TAFA1: variants seen among roughly 807,000 people sequenced by gnomAD.
TAFA1 encodes the protein chemokine-like protein TAFA-1.
Under a neutral mutation model 18.5 loss-of-function variants are expected in TAFA1, and 4 were observed. The ratio of observed to expected loss-of-function variants is 0.22; its 90% confidence interval spans 0.11 to 0.49. The LOEUF (loss-of-function observed/expected upper bound fraction) is 0.49, where lower values mean the gene tolerates loss of function less well. Among genes scored for constraint, TAFA1 ranks in the 20% least tolerant of loss-of-function variants. The probability of loss-of-function intolerance (pLI) is 0.98; values close to 1 mark genes in which losing one functional copy is unlikely to be tolerated. For missense variants in TAFA1, 147 were observed against 169.0 expected (o/e 0.87, Z 0.72); for synonymous variants, 56 against 55.2 (o/e 1.01, Z -0.06).
At chr3:68,512,228 C>A (rs2072857888) in intron 3 of TAFA1, among the ~76,000 whole-genome samples, 1 of 152,098 alleles carries the variant, frequency 6.6e-6, no homozygotes, top group Admixed American at 6.6e-5. Context: ...CTGTGTCTTT[C>A]ATCATTTAGT....
At chr3:68,430,353 C>T (rs1210872760) in intron 3 of TAFA1, among the ~76,000 whole-genome samples, 1 of 151,876 alleles carries the variant, frequency 6.6e-6, no homozygotes, top group Non-Finnish European at 1.5e-5. Context: ...GTGGTGGAAG[C>T]CCATAGGACA....
the TAFA1 span, among the ~76,000 whole-genome samples, chr3:67,992,695 A>G: frequency 1.3e-5 from 2 of 152,198 alleles, no homozygotes; most frequent in African/African-American, 2.4e-5. Flanking sequence ...TAAAAACAGA[A>G]GGCAAACCAT....
intron 3 of TAFA1, among the ~76,000 whole-genome samples, chr3:68,533,085 A>C (rs2073214134): frequency 8.0e-6 from 1 of 125,128 alleles, no homozygotes; most frequent in African/African-American, 3.8e-5. Flanking sequence ...TAAGGAGAAC[A>C]AAAAAAAAAA....
At chr3:68,319,824 G>A (rs928196271) in intron 2 of TAFA1, among the ~76,000 whole-genome samples, 1 of 152,086 alleles carries the variant, frequency 6.6e-6, no homozygotes. Context: ...CCAAAGATGG[G>A]GAAAACTAAG....
intron 3 of TAFA1, among the ~76,000 whole-genome samples, chr3:68,507,933 T>A (rs887490676): frequency 6.6e-6 from 1 of 152,132 alleles, no homozygotes; most frequent in Non-Finnish European, 1.5e-5. Flanking sequence ...TTGCAAGATA[T>A]ACCAAAAAAT....
chr3:68,073,927 G>A (rs1451237091), intron 2 of TAFA1, among the ~76,000 whole-genome samples: 1 of 152,054 alleles, frequency 6.6e-6, no homozygotes, highest in East Asian at 1.9e-4. Context: ...ATATGGTTTT[G>A]GGATGATTCA....
chr3:68,194,528 C>G (rs1296776807), intron 2 of TAFA1, among the ~76,000 whole-genome samples: 1 of 151,532 alleles, frequency 6.6e-6, no homozygotes, highest in Non-Finnish European at 1.5e-5. Context: ...ATATATTGTA[C>G]TAAAAAAATT....
In TAFA1 at chr3:68,288,552, T is replaced by G. The variant is rs539818067; in HGVS notation, c.119-128728T>G. Among the ~76,000 whole-genome samples the G allele has an allele frequency of 3.0e-4, 45 of 152,368 alleles. 2 individuals carry two copies. In the South Asian group the frequency reaches 8.7e-3, roughly 29 times the overall value. Reference sequence around the variant, plus strand: ...GTTTGTATTCTTACCTCGCCCACATTTTTAATGATGTCTATCCTCTATTTC... The same window carrying G: ...GTTTGTATTCTTACCTCGCCCACATGTTTAATGATGTCTATCCTCTATTTC... On this transcript the variant is annotated intron_variant, in intron 2 of 4. Transcript: ENST00000478136.
chr3:68,288,598 A>C (rs1159491726), intron 2 of TAFA1, among the ~76,000 whole-genome samples: 1 of 152,190 alleles, frequency 6.6e-6, no homozygotes, highest in East Asian at 1.9e-4. Flanking sequence ...ATTTTTGCCT[A>C]TCTGCTTTCA....
At chr3:68,190,968 T>A (rs1250646506) in intron 2 of TAFA1, among the ~76,000 whole-genome samples, 1 of 151,864 alleles carries the variant, frequency 6.6e-6, no homozygotes, top group Admixed American at 6.6e-5. Flanking sequence ...TTTTGGATAC[T>A]GCCTACATTG....
chr3:68,063,879 C>T (rs940406523), intron 2 of TAFA1, among the ~76,000 whole-genome samples: 3 of 152,132 alleles, frequency 2.0e-5, no homozygotes, highest in African/African-American at 7.2e-5. Flanking sequence ...GAAGGCTGTT[C>T]GGAACCAGTG....
chr3:68,444,146 G>C (rs1195498413), intron 3 of TAFA1, among the ~76,000 whole-genome samples: 1 of 152,048 alleles, frequency 6.6e-6, no homozygotes, highest in Admixed American at 6.6e-5. Context: ...TGCCCACCTT[G>C]GAGCTCCATA....
At chr3:68,419,154 G>T (rs1182626871) in intron 3 of TAFA1, among the ~76,000 whole-genome samples, 1 of 152,086 alleles carries the variant, frequency 6.6e-6, no homozygotes, top group African/African-American at 2.4e-5. Flanking sequence ...CAATACAGAA[G>T]CCTTTATATG....
chr3:68,078,862 A>G (rs1466849950), intron 2 of TAFA1, among the ~76,000 whole-genome samples: 1 of 152,060 alleles, frequency 6.6e-6, no homozygotes, highest in Non-Finnish European at 1.5e-5. Context: ...TTTTCTATTG[A>G]TTGGAATAGT....
At chr3:68,310,269 A>T (rs1213112029) in intron 2 of TAFA1, among the ~76,000 whole-genome samples, 3 of 152,200 alleles carry the variant, frequency 2.0e-5, no homozygotes, top group Non-Finnish European at 2.9e-5. Context: ...GATCTTAAGT[A>T]GTTTTTGTTT....
intron 2 of TAFA1, among the ~76,000 whole-genome samples, chr3:68,166,614 A>G (rs2065984357): frequency 6.6e-6 from 1 of 152,194 alleles, no homozygotes; most frequent in Non-Finnish European, 1.5e-5. Flanking sequence ...GACTCTTCAC[A>G]TTAAAAATTA....
intron 2 of TAFA1, among the ~76,000 whole-genome samples, chr3:68,109,118 G>A (rs1390010809): frequency 6.6e-6 from 1 of 151,920 alleles, no homozygotes; most frequent in African/African-American, 2.4e-5. Context: ...TTGTTGACTC[G>A]ATTATTTGCT....
At chr3:68,367,587 G>A (rs967812477) in intron 2 of TAFA1, among the ~76,000 whole-genome samples, 1 of 152,174 alleles carries the variant, frequency 6.6e-6, no homozygotes, top group African/African-American at 2.4e-5. Context: ...TCAAAGTGAT[G>A]TTCCTAATAT....
chr3:68,131,400 G>A (rs1191289105), intron 2 of TAFA1, among the ~76,000 whole-genome samples: 1 of 152,022 alleles, frequency 6.6e-6, no homozygotes, highest in Non-Finnish European at 1.5e-5. Context: ...CCAATTAGTT[G>A]GCTTTTGTTC....
Sources: gnomAD v4.1 joint callset for allele counts (sites outside exome capture counted in the v4.1 genomes callset) on GRCh38, gnomAD v4.1.1 for gene constraint, MANE v1.5 for transcripts, NCBI Gene and HGNC (gene_info 2026-07-23, HGNC 2026-07-21) for gene names.